Variants in DLG1 observed in about 807,000 individuals in gnomAD.
DLG1 encodes disks large homolog 1.
DLG1 carries 42 observed loss-of-function variants against 123.4 expected under a neutral mutation model. That is an observed-to-expected ratio of 0.34 (90% CI 0.27 to 0.44). The LOEUF (loss-of-function observed/expected upper bound fraction) is 0.44. Ranked by LOEUF, DLG1 falls within the 20% of genes least tolerant of loss-of-function variation. The pLI is 1.00. For missense variants in DLG1, 942 were observed against 1,082.6 expected (o/e 0.87, Z 1.82); for synonymous variants, 317 against 356.2 (o/e 0.89, Z 1.24).
At chr3:197,174,433 T>C (rs895523097) in intron 5 of DLG1, among the ~76,000 whole-genome samples, 1 of 152,178 alleles carries the variant, frequency 6.6e-6, no homozygotes, top group Non-Finnish European at 1.5e-5. Context: ...AAAGTCTATA[T>C]AATAAAGCTG....
intron 1 of DLG1, chr3:197,298,167 C>T (rs758815731): frequency 8.9e-5 from 20 of 224,276 alleles, no homozygotes; most frequent in Non-Finnish European, 6.9e-5. Flanking sequence ...ACCGCTTTCC[C>T]GGCGCTCTCA....
In DLG1 at chr3:197,085,788, C is replaced by T. The variant is rs1379546633; in HGVS notation, c.1662-32G>A. 3 of 1,586,498 alleles carry T rather than the reference C, an allele frequency of 1.9e-6. No individual in the cohort carries two copies. The African/African-American group carries it at 4.1e-5, about 22-fold the overall frequency. On this transcript the variant is annotated intron_variant, in intron 15 of 24. Coordinates refer to ENST00000667157, the MANE Select transcript of DLG1 (RefSeq NM_001366207.1). ...TCAGAAGAAAAAAAGTCCATAATCA[C>T]TTGTTATAATATTAATCAACATATC...
intron 4 of DLG1, among the ~76,000 whole-genome samples, chr3:197,246,061 T>A (rs1019690277): frequency 6.6e-6 from 1 of 152,138 alleles, no homozygotes; most frequent in Non-Finnish European, 1.5e-5. Context: ...GTATAAATAG[T>A]TCCTTCTTGA....
intron 6 of DLG1, among the ~76,000 whole-genome samples, chr3:197,143,184 T>A (rs1336926207): frequency 6.6e-6 from 1 of 152,202 alleles, no homozygotes; most frequent in Non-Finnish European, 1.5e-5. Context: ...ATACTGTCAA[T>A]GCAGTCTGCC....
At chr3:197,199,822 G>A (rs972274108) in intron 4 of DLG1, among the ~76,000 whole-genome samples, 4 of 152,102 alleles carry the variant, frequency 2.6e-5, no homozygotes, top group Non-Finnish European at 5.9e-5. Context: ...CCTCCCTAAG[G>A]ATGGTCCAAG....
chr3:197,124,410 G>T (rs993637302), intron 11 of DLG1, among the ~76,000 whole-genome samples: 1 of 152,154 alleles, frequency 6.6e-6, no homozygotes, highest in African/African-American at 2.4e-5. Flanking sequence ...GAGTAGTGGG[G>T]ACTGCAGGCA....
chr3:197,177,071 T>C (rs1455058426), intron 5 of DLG1, among the ~76,000 whole-genome samples: 1 of 152,148 alleles, frequency 6.6e-6, no homozygotes, highest in Non-Finnish European at 1.5e-5. Flanking sequence ...GTAGGTGCAC[T>C]GTAAAAGTTT....
At chr3:197,186,617 C>CTTTAT (rs71162000) in intron 5 of DLG1, among the ~76,000 whole-genome samples, 111,177 of 151,378 alleles carry the variant, frequency 0.73, 40,899 homozygotes, top group East Asian at 0.82. Flanking sequence ...GGAATATTTA[C>CTTTAT]AATATTAAAT....
intron 4 of DLG1, among the ~76,000 whole-genome samples, chr3:197,214,685 A>G (rs1443188501): frequency 6.6e-6 from 1 of 152,100 alleles, no homozygotes. Context: ...GTTTGGGGGG[A>G]GGGGTAGGAG....
Position 197,076,578 on chromosome 3 carries a change from A to G in DLG1, c.2005+8T>C, listed in dbSNP as rs751189203. The G allele has an allele frequency of 6.2e-7, 1 of 1,603,784 alleles. No individual in the cohort carries two copies. Among genetic ancestry groups the G allele is most frequent in the Non-Finnish European group, 8.5e-7 (1 of 1,172,492 alleles). On this transcript the variant is annotated splice_region_variant and intron_variant, in intron 18 of 24. Transcript: ENST00000667157. ...ATTTTCAGTTGACCACTGGATCCAC[A>G]TACTTACGGTCAGCATCACTTGTTT...
chr3:197,084,360 G>A (rs1752953205), intron 16 of DLG1, among the ~76,000 whole-genome samples: 2 of 151,140 alleles, frequency 1.3e-5, no homozygotes, highest in Middle Eastern at 3.4e-3. Flanking sequence ...CGCCGAGGCT[G>A]GAGTGCAGTG....
chr3:197,190,183 C>T (rs952946187), intron 5 of DLG1, among the ~76,000 whole-genome samples: 1 of 152,174 alleles, frequency 6.6e-6, no homozygotes, highest in African/African-American at 2.4e-5. Flanking sequence ...TCTCTCAATA[C>T]TATCAATTTA....
At chr3:197,215,905 T>C (rs1284495332) in intron 4 of DLG1, among the ~76,000 whole-genome samples, 1 of 152,188 alleles carries the variant, frequency 6.6e-6, no homozygotes, top group African/African-American at 2.4e-5. Context: ...AGCAATTCTT[T>C]ATACCTACAT....
chr3:197,107,642 T>C (rs1213459685), intron 13 of DLG1, among the ~76,000 whole-genome samples: 2 of 152,024 alleles, frequency 1.3e-5, no homozygotes, highest in African/African-American at 4.8e-5. Flanking sequence ...TTTATTCTTT[T>C]TGATAGTATT....
At chr3:197,221,822 C>A (rs549475428) in intron 4 of DLG1, among the ~76,000 whole-genome samples, 10 of 152,200 alleles carry the variant, frequency 6.6e-5, no homozygotes, top group Non-Finnish European at 1.0e-4. Flanking sequence ...AAGCTAAATA[C>A]TGTACAGTCA....
chr3:197,158,634 C>CAAAAAAAAAAAAAAAAAAAAAAAAAAAAA (rs71623339), intron 5 of DLG1, among the ~76,000 whole-genome samples: 18 of 67,490 alleles, frequency 2.7e-4, no homozygotes, highest in African/African-American at 4.4e-4. Flanking sequence ...AACTCCATTT[C>CAAAAAAAAAAAAAAAAAAAAAAAAAAAAA]AAAAAAAAAA....
intron 4 of DLG1, among the ~76,000 whole-genome samples, chr3:197,208,244 T>C (rs1473365533): frequency 1.4e-5 from 2 of 146,732 alleles, no homozygotes; most frequent in African/African-American, 2.4e-5. Context: ...ATATCCAAGT[T>C]TGATAACATA....
intron 4 of DLG1, among the ~76,000 whole-genome samples, chr3:197,276,107 T>C (rs1766295629): frequency 6.6e-6 from 1 of 152,238 alleles, no homozygotes; most frequent in Non-Finnish European, 1.5e-5. Flanking sequence ...AGTCATACTA[T>C]GCCTCCTGAC....
intron 18 of DLG1, among the ~76,000 whole-genome samples, chr3:197,071,835 G>T (rs1744143303): frequency 6.6e-6 from 1 of 152,144 alleles, no homozygotes. Flanking sequence ...CATGCGCTAG[G>T]AATGGGCAAA....
Sources: gnomAD v4.1 joint callset for allele counts (sites outside exome capture counted in the v4.1 genomes callset) on GRCh38, gnomAD v4.1.1 for gene constraint, MANE v1.5 for transcripts, NCBI Gene and HGNC (gene_info 2026-07-23, HGNC 2026-07-21) for gene names.